The following SPPL2B variants were observed in gnomAD, a reference collection of about 807,000 sequenced individuals.
The protein encoded by SPPL2B is signal peptide peptidase-like 2B.
A neutral mutation model predicts 59.7 loss-of-function variants in SPPL2B; 39 were observed. The observed-to-expected ratio is 0.65, with a 90% CI of 0.51 to 0.85. SPPL2B has a LOEUF of 0.85. Among genes scored for constraint, SPPL2B ranks in the 40% least tolerant of loss-of-function variants. The pLI, the probability that SPPL2B is intolerant of heterozygous loss-of-function variation, is 0.00. For missense variants in SPPL2B, 865 were observed against 849.0 expected, an observed-to-expected ratio of 1.02 and a Z score of -0.23; for synonymous variants, 419 against 370.8, an observed-to-expected ratio of 1.13 and a Z score of -1.49.
At chr19:2,337,725 C>T (rs982425645) in intron 3 of SPPL2B, 100 bp downstream of exon 3, 17 of 1,200,970 alleles carry the variant, frequency 1.4e-5, no homozygotes, top group African/African-American at 9.2e-5. Flanking sequence ...TCCGACTTCT[C>T]GCTAAAGGCA....
chr19:2,340,049 C>T (rs1266996976), intron 6 of SPPL2B, 27 bp from the exon 7 acceptor site: 1 of 1,575,888 alleles, frequency 6.3e-7, no homozygotes, highest in Non-Finnish European at 8.6e-7. Context: ...GGGCCTGGCC[C>T]CCGGCCTCAC....
At chr19:2,351,380 T>C (rs1209921843) in intron 13 of SPPL2B, 54 bp from the exon 14 acceptor site, 5 of 1,419,526 alleles carry the variant, frequency 3.5e-6, no homozygotes, top group African/African-American at 2.8e-5. Flanking sequence ...CCCAGGGAAA[T>C]GGGTGGTGGC....
chr19:2,335,711 C>G (rs1968559589), intron 2 of SPPL2B, among the ~76,000 whole-genome samples: 2 of 151,268 alleles, frequency 1.3e-5, no homozygotes, highest in Admixed American at 6.6e-5. Flanking sequence ...TCTCTCCTTT[C>G]CCACCGCATC....
intron 14 of SPPL2B, among the ~76,000 whole-genome samples, chr19:2,352,183 G>C (rs552106155): frequency 2.8e-4 from 42 of 152,252 alleles, no homozygotes; most frequent in African/African-American, 9.4e-4. Flanking sequence ...GAGTGGGTGG[G>C]ACCCCCCCTT....
chr19:2,350,114 C>CGT (rs1969822502), intron 13 of SPPL2B, among the ~76,000 whole-genome samples: 1 of 146,604 alleles, frequency 6.8e-6, no homozygotes, highest in Non-Finnish European at 1.5e-5. Flanking sequence ...CACACACACT[C>CGT]GCGCTCTCAT....
At chr19:2,345,775 C>G (rs1413040161) in intron 13 of SPPL2B, among the ~76,000 whole-genome samples, 3 of 143,594 alleles carry the variant, frequency 2.1e-5, no homozygotes, top group Non-Finnish European at 3.0e-5. Context: ...CTTTCTCATT[C>G]TCCCTGGGCC....
At chr19:2,341,904 C>T (rs1194370928) in intron 8 of SPPL2B, 5 of 245,202 alleles carry the variant, frequency 2.0e-5, no homozygotes, top group Non-Finnish European at 4.1e-5. Flanking sequence ...CAAGACCAGC[C>T]TGGGCAACAA....
chr19:2,339,980 G>A lies in SPPL2B; in HGVS notation c.742+14G>A, dbSNP rs769004951. On this transcript the variant is annotated intron_variant, in intron 6 of 14. Transcript: ENST00000613503. ...ACGATCTCCTCGGTGCGCGGCCCCG[G>A]GCGGGTGGGCCGCGGCGTGGAGATG... The A allele has an allele frequency of 1.9e-5, 29 of 1,552,376 alleles. No individual in the cohort carries two copies. The South Asian group carries it at 2.7e-4, about 15-fold the overall frequency.
At position 2,332,392 on chromosome 19, in the gene SPPL2B, G is replaced by A. The variant is rs373899036; in HGVS notation, c.67-2210G>A. 6.6e-6 allele frequency among the ~76,000 whole-genome samples: 1 copy of A among 152,238 alleles called. No individual in the cohort carries two copies. The highest frequency in any genetic ancestry group is 2.4e-5 in the African/African-American group (1 of 41,458). On this transcript the variant is annotated intron_variant, in intron 1 of 14. Coordinates refer to ENST00000613503, the MANE Select transcript of SPPL2B (RefSeq NM_152988.3). The surrounding 1 kb of genome is among the most constrained non-coding windows in gnomAD (Gnocchi z 4.6). ...GCACCAGGGACCTTTGGGACCTTTA[G>A]CCAAGCCAGAGCTGTCCTTCCCCAG... is the stretch of plus-strand genomic sequence containing the variant.
intron 7 of SPPL2B, among the ~76,000 whole-genome samples, 180 bp downstream of exon 7, chr19:2,340,352 T>C (rs971886619): frequency 6.6e-6 from 1 of 152,066 alleles, no homozygotes; most frequent in Non-Finnish European, 1.5e-5. Flanking sequence ...GAGCTATCAA[T>C]GGAGCCCACC....
rs1970084125 is a variant in SPPL2B at position 2,354,476 on chromosome 19, C to G, written c.*1267C>G. The G allele has an allele frequency of 6.6e-6, 1 of 152,310 alleles. No individual in the cohort carries two copies. 9.4% of individuals were successfully genotyped at this position (152,310 alleles called of 1,614,324 possible). Reference sequence around the variant, plus strand: ...CCCTGTTGAGTGCGGCCTCCAGACTCGAGTCCAGAATCTGTTTCTGTCAAG... The same window carrying G: ...CCCTGTTGAGTGCGGCCTCCAGACTGGAGTCCAGAATCTGTTTCTGTCAAG... On this transcript the variant is annotated 3_prime_UTR_variant, in exon 15 of 15. Coordinates refer to ENST00000613503, the MANE Select transcript of SPPL2B (RefSeq NM_152988.3).
At position 2,339,054 on chromosome 19, in the gene SPPL2B, T is replaced by C; in HGVS notation, c.460-15T>C. On this transcript the variant is annotated splice_polypyrimidine_tract_variant and intron_variant, in intron 4 of 14. Transcript: ENST00000613503. ...GTGGCTCTGACGCCTGCCTCCGGTG[T>C]GTTCCTTGAGGCAGCGTTTCGGCCG... 3 of 1,548,108 alleles carry C rather than the reference T, an allele frequency of 1.9e-6. No homozygotes were observed. Among genetic ancestry groups the C allele is most frequent in the Non-Finnish European group, 2.6e-6 (3 of 1,144,752 alleles).
rs771406802 is a variant in SPPL2B, at chr19:2,340,147, C to T, written c.814C>T (p.Arg272Trp). 16 of 1,580,366 alleles carry T rather than the reference C, an allele frequency of 1.0e-5. 1 individual carries two copies. Among genetic ancestry groups the T allele is most frequent in the South Asian group, 5.7e-5 (5 of 87,730 alleles). Residue 272 changes from arginine (R) to tryptophan (W), a missense_variant, in exon 7 of 15, where the codon CGG becomes TGG. Transcript: ENST00000613503. ...CTACAGCTGCCTGGCGCCCTGTGTG[C>T]GGCGGCTGCCCTTCGGCAAGTGCAG... The part of the protein sequence containing the change: ...GLYSCLAPCV[R>W]RLPFGKCRIP...
At chr19:2,344,480 G>T (rs906715162) in intron 11 of SPPL2B, 56 bp downstream of exon 11, 1 of 1,568,768 alleles carries the variant, frequency 6.4e-7, no homozygotes, top group Non-Finnish European at 8.7e-7. Context: ...GTTGCGCGGA[G>T]CGGATAGGGC....
At chr19:2,337,338 G>C in intron 2 of SPPL2B, 105 bp from the exon 3 acceptor site, 1 of 1,137,106 alleles carries the variant, frequency 8.8e-7, no homozygotes, top group Non-Finnish European at 1.3e-6. Context: ...CTTTAGGTGA[G>C]GGCTGGGATC....
At chr19:2,338,873 CGAG>C (rs1568435532) in intron 4 of SPPL2B, 32 bp downstream of exon 4, 2 of 1,600,226 alleles carry the variant, frequency 1.2e-6, no homozygotes, top group East Asian at 2.2e-5. Flanking sequence ...CCCACGCTCC[CGAG>C]GAGATGGGGC....
rs373206014 is a variant in SPPL2B at position 2,344,633 on chromosome 19, C to T, written c.1257C>T (p.Phe419=). The T allele has an allele frequency of 1.4e-5, 22 of 1,611,994 alleles. No homozygotes were observed. Among genetic ancestry groups the T allele is most frequent in the Admixed American group, 3.3e-5 (2 of 59,916 alleles). ...ACCGGCCCTTCTCCCTCCTGGGTTTCGGAGACATTTTGGTGCCAGGTACTG... is the reference window on the plus strand; with the variant it reads ...ACCGGCCCTTCTCCCTCCTGGGTTTTGGAGACATTTTGGTGCCAGGTACTG... ...LCDRPFSLLG[F]GDILVPGLLV... Residue 419 remains phenylalanine, a synonymous_variant, in exon 12 of 15, where the codon TTC becomes TTT. Coordinates refer to ENST00000613503, the MANE Select transcript of SPPL2B (RefSeq NM_152988.3).
chr19:2,344,568 A>G lies in SPPL2B; in HGVS notation c.1192A>G (p.Lys398Glu). The change falls in exon 12 of 15, where the codon AAG becomes GAG. Residue 398 changes from lysine (K) to glutamate (E), a missense_variant. Coordinates refer to ENST00000613503, the MANE Select transcript of SPPL2B (RefSeq NM_152988.3). Reference protein sequence around the residue: ...ATREKLPMVLKVPRLNSSPLA... With the variant: ...ATREKLPMVLEVPRLNSSPLA... ...GTCTTTGCAGCTGCCCATGGTCCTGAAGGTGCCCAGGCTGAACTCCTCACC... is the reference window on the plus strand; with the variant it reads ...GTCTTTGCAGCTGCCCATGGTCCTGGAGGTGCCCAGGCTGAACTCCTCACC... 6.2e-7 allele frequency: 1 copy of G among 1,612,644 alleles called. No homozygotes were observed. The highest frequency in any genetic ancestry group is 8.5e-7 in the Non-Finnish European group (1 of 1,179,302).
chr19:2,346,054 C>T (rs1969351542), intron 13 of SPPL2B, among the ~76,000 whole-genome samples: 1 of 152,170 alleles, frequency 6.6e-6, no homozygotes, highest in South Asian at 2.1e-4. Context: ...TTGTCTTCTA[C>T]TGTTTCTTTT....
Sources: allele counts gnomAD v4.1 joint callset (sites outside exome capture counted in the v4.1 genomes callset), GRCh38; gene constraint gnomAD v4.1.1; non-coding constraint Gnocchi (gnomAD v3.1); transcripts MANE v1.5; gene names NCBI Gene and HGNC (gene_info 2026-07-23, HGNC 2026-07-21).